FAM110B: variants seen among roughly 807,000 people sequenced by gnomAD.
FAM110B encodes family with sequence similarity 110 member B.
Under a neutral mutation model 20.4 loss-of-function variants are expected in FAM110B, and 6 were observed. The ratio of observed to expected loss-of-function variants is 0.29; its 90% CI spans 0.16 to 0.58. The LOEUF is 0.58. Ranked by LOEUF, FAM110B falls within the 20% of genes least tolerant of loss-of-function variation. The pLI is 0.90. For synonymous variants in FAM110B, 226 were observed against 214.1 expected (o/e 1.06, Z -0.49); for missense variants, 434 against 498.2 (o/e 0.87, Z 1.23).
intron 3 of FAM110B, among the ~76,000 whole-genome samples, chr8:58,104,246 A>G (rs984297604): frequency 6.6e-6 from 1 of 152,240 alleles, no homozygotes; most frequent in South Asian, 2.1e-4. Context: ...AAGAATTGCA[A>G]CAAAGCATTT....
At chr8:58,105,600 G>A (rs1806890226) in intron 3 of FAM110B, among the ~76,000 whole-genome samples, 1 of 128,250 alleles carries the variant, frequency 7.8e-6, no homozygotes, top group Non-Finnish European at 1.6e-5. Flanking sequence ...ACAGAGTCTG[G>A]CTCTGTCGCC....
chr8:58,073,160 T>G (rs1211545837), intron 2 of FAM110B, among the ~76,000 whole-genome samples: 1 of 152,224 alleles, frequency 6.6e-6, no homozygotes, highest in Non-Finnish European at 1.5e-5. Context: ...AACCATATGC[T>G]AAGCTCTGTG....
At chr8:58,101,255 T>C (rs1203204114) in intron 3 of FAM110B, among the ~76,000 whole-genome samples, 1 of 152,164 alleles carries the variant, frequency 6.6e-6, no homozygotes, top group Non-Finnish European at 1.5e-5. Context: ...AAATCTGTAA[T>C]TTTGATCTTG....
At chr8:58,022,093 G>T (rs1395475848) in intron 1 of FAM110B, among the ~76,000 whole-genome samples, 2 of 152,124 alleles carry the variant, frequency 1.3e-5, no homozygotes, top group East Asian at 3.8e-4. Context: ...GTGTAGTCAG[G>T]CTCTCACTTT....
At chr8:58,136,384 A>G (rs1265937671) in intron 3 of FAM110B, among the ~76,000 whole-genome samples, 1 of 152,090 alleles carries the variant, frequency 6.6e-6, no homozygotes, top group Admixed American at 6.6e-5. Context: ...TGAACTCCAC[A>G]TTCATTTAAT....
chr8:58,048,083 T>C (rs1469696637), intron 2 of FAM110B, among the ~76,000 whole-genome samples: 1 of 152,166 alleles, frequency 6.6e-6, no homozygotes, highest in Admixed American at 6.5e-5. Flanking sequence ...CTTGAAGCTC[T>C]AGGGTGCTTA....
intron 3 of FAM110B, among the ~76,000 whole-genome samples, chr8:58,101,902 A>T (rs1563370589): frequency 6.6e-6 from 1 of 152,138 alleles, no homozygotes; most frequent in Non-Finnish European, 1.5e-5. Flanking sequence ...CTCATGCTTC[A>T]TTTATTCCCA....
At chr8:58,100,822 T>C (rs1368923648) in intron 3 of FAM110B, 1 of 152,196 alleles carries the variant, frequency 6.6e-6, no homozygotes, top group Admixed American at 6.5e-5. Flanking sequence ...AGGTTAGAAC[T>C]TACACTAATG....
intron 1 of FAM110B, among the ~76,000 whole-genome samples, chr8:58,001,263 G>A (rs916432462): frequency 6.6e-6 from 1 of 152,024 alleles, no homozygotes; most frequent in East Asian, 1.9e-4. Context: ...GTTCTTTTAG[G>A]TAGTGCCAGA....
At chr8:58,058,491 G>C (rs971126970) in intron 2 of FAM110B, among the ~76,000 whole-genome samples, 11 of 152,124 alleles carry the variant, frequency 7.2e-5, no homozygotes, top group African/African-American at 2.4e-4. Context: ...CATAAAGAAA[G>C]ATGTTTTAAG....
intron 1 of FAM110B, among the ~76,000 whole-genome samples, chr8:58,012,147 A>G (rs1216590571): frequency 2.0e-5 from 3 of 152,234 alleles, no homozygotes; most frequent in Non-Finnish European, 4.4e-5. Context: ...AATTGAGGTG[A>G]AACTATAGCA....
rs866937429 is a variant in FAM110B at position 58,019,369 on chromosome 8, A to G, written c.-511-12237A>G. Among the ~76,000 whole-genome samples the G allele has an allele frequency of 8.6e-4, 128 of 149,582 alleles. 1 individual carries two copies. Among genetic ancestry groups the G allele is most frequent in the African/African-American group, 3.0e-3 (120 of 40,476 alleles). ...AAAAAAAAAAAAAAAAAGGAAAGAA[A>G]GAAAGAAAGAAAAGAAAAGAAAGAA... On this transcript the variant is annotated intron_variant, in intron 1 of 3. Transcript: ENST00000519262.
chr8:58,140,754 A>G (rs1585920274), intron 3 of FAM110B, among the ~76,000 whole-genome samples: 1 of 152,180 alleles, frequency 6.6e-6, no homozygotes, highest in Non-Finnish European at 1.5e-5. Context: ...TGAATGTACC[A>G]TGAACTCAAA....
intron 2 of FAM110B, among the ~76,000 whole-genome samples, chr8:58,038,419 A>C (rs1452298073): frequency 6.6e-6 from 1 of 152,236 alleles, no homozygotes; most frequent in Admixed American, 6.5e-5. Flanking sequence ...CCTTGTAAAT[A>C]GCTATAAGAA....
intron 3 of FAM110B, among the ~76,000 whole-genome samples, chr8:58,125,902 G>A (rs537328306): frequency 1.4e-5 from 2 of 142,198 alleles, no homozygotes; most frequent in East Asian, 2.0e-4. Context: ...TGTGTCACCC[G>A]GTACCCTCCC....
chr8:58,126,587 T>G (rs1308623857), intron 3 of FAM110B, among the ~76,000 whole-genome samples: 1 of 152,196 alleles, frequency 6.6e-6, no homozygotes, highest in Non-Finnish European at 1.5e-5. Flanking sequence ...TCTCTCTTTT[T>G]TTTTAATCTT....
chr8:58,048,868 C>T (rs1382118993), intron 2 of FAM110B, among the ~76,000 whole-genome samples: 2 of 152,128 alleles, frequency 1.3e-5, no homozygotes, highest in Non-Finnish European at 2.9e-5. Flanking sequence ...AATTTGAAAA[C>T]AGCTTGTGTG....
chr8:58,032,878 G>T (rs78966180), intron 2 of FAM110B, among the ~76,000 whole-genome samples: 3,505 of 152,164 alleles, frequency 0.023, 151 homozygotes, highest in African/African-American at 0.081. Context: ...CTTCAATGTG[G>T]CTCTTGAGAC....
rs546548995 is a variant in FAM110B at position 58,146,036 on chromosome 8, G to A, written c.-195G>A. Reference sequence around the variant, plus strand: ...TTTTTGTGCAAGGGCCGCCTGGAAGGGGAGAAAAGTGTATGAAAGCCACCG... The same window carrying A: ...TTTTTGTGCAAGGGCCGCCTGGAAGAGGAGAAAAGTGTATGAAAGCCACCG... On this transcript the variant is annotated 5_prime_UTR_variant, in exon 4 of 4. Transcript: ENST00000519262. 44 of 565,154 alleles carry A rather than the reference G, an allele frequency of 7.8e-5. No homozygotes were observed. Among genetic ancestry groups the A allele is most frequent in the Middle Eastern group, 9.8e-4 (2 of 2,050 alleles). 35.0% of individuals were successfully genotyped at this position (565,154 alleles called of 1,614,324 possible).
Sources: allele counts gnomAD v4.1 joint callset (sites outside exome capture counted in the v4.1 genomes callset), GRCh38; gene constraint gnomAD v4.1.1; transcripts MANE v1.5; gene names NCBI Gene and HGNC (gene_info 2026-07-23, HGNC 2026-07-21).